Variants in SYTL3 observed in about 807,000 individuals in gnomAD.
SYTL3 encodes the protein synaptotagmin like 3.
In SYTL3, 88 loss-of-function variants were observed where a neutral mutation model predicts 82.1. The ratio of observed to expected loss-of-function variants is 1.07; its 90% CI spans 0.90 to 1.28. The LOEUF (loss-of-function observed/expected upper bound fraction) is 1.28, where lower values mean the gene tolerates loss of function less well. Ranked by LOEUF, SYTL3 falls within the 50% of genes most tolerant of loss-of-function variation. SYTL3 has a pLI of 0.00. For synonymous variants in SYTL3, 311 were observed against 289.4 expected, an observed-to-expected ratio of 1.07 and a Z score of -0.76; for missense variants, 831 against 757.6, an observed-to-expected ratio of 1.10 and a Z score of -1.14.
At chr6:158,702,681 C>T (rs1202633562) in intron 6 of SYTL3, among the ~76,000 whole-genome samples, 1 of 152,068 alleles carries the variant, frequency 6.6e-6, no homozygotes, top group Non-Finnish European at 1.5e-5. Flanking sequence ...CTGTACAGCC[C>T]TCGACTATCC....
chr6:158,751,922 C>T lies in SYTL3; in HGVS notation c.1035-6C>T. 3.1e-6 allele frequency: 5 copies of T among 1,595,708 alleles called. No homozygotes were observed. Among genetic ancestry groups the T allele is most frequent in the Non-Finnish European group, 4.3e-6 (5 of 1,171,494 alleles). On this transcript the variant is annotated splice_region_variant and splice_polypyrimidine_tract_variant and intron_variant, in intron 12 of 17. Coordinates refer to ENST00000611299, the MANE Select transcript of SYTL3 (RefSeq NM_001242394.2). ...TCACTCTGTCCCCGCTGTGTTTGGCCCCTAGGTATGTGAAGACCTACCTGT... is the reference window on the plus strand; with the variant it reads ...TCACTCTGTCCCCGCTGTGTTTGGCTCCTAGGTATGTGAAGACCTACCTGT...
chr6:158,666,419 C>T (rs1790059168), intron 5 of SYTL3, among the ~76,000 whole-genome samples: 1 of 152,096 alleles, frequency 6.6e-6, no homozygotes, highest in Non-Finnish European at 1.5e-5. Context: ...TTTGCGTTCC[C>T]CATTCTGAAA....
chr6:158,725,937 CAGAT>C (rs1466795142), intron 11 of SYTL3: 24 of 677,826 alleles, frequency 3.5e-5, no homozygotes, highest in South Asian at 2.1e-4. Context: ...CTCGCGTAAA[CAGAT>C]AGGGCAGGAG....
At chr6:158,757,188 C>A (rs1003752634) in intron 13 of SYTL3, 23 bp from the exon 14 acceptor site, 8 of 1,601,056 alleles carry the variant, frequency 5.0e-6, no homozygotes, top group Non-Finnish European at 6.8e-6. Flanking sequence ...GCCCAGCTGA[C>A]CATCTCTTCC....
intron 11 of SYTL3, among the ~76,000 whole-genome samples, chr6:158,733,699 C>T (rs1265130709): frequency 6.6e-6 from 1 of 152,126 alleles, no homozygotes; most frequent in African/African-American, 2.4e-5. Flanking sequence ...AGTCTGGCTC[C>T]AGCCAGTGGA....
At chr6:158,680,589 A>AAAAAC (rs1778567745) in intron 5 of SYTL3, among the ~76,000 whole-genome samples, 1 of 151,260 alleles carries the variant, frequency 6.6e-6, no homozygotes, top group South Asian at 2.1e-4. Context: ...AAAAAAAAAA[A>AAAAAC]AAAAACACAA....
In SYTL3 at chr6:158,715,903, G is replaced by A. The variant is rs1010226148; in HGVS notation, c.595+2025G>A. ...TCTTATTGGCTGCCTGTTTCCCCAC[G>A]GAAGTGGGTGCAGAGGGAAGCCTCA... On this transcript the variant is annotated intron_variant, in intron 9 of 17. Transcript: ENST00000611299. Among the ~76,000 whole-genome samples the A allele has an allele frequency of 6.6e-5, 10 of 152,226 alleles. 1 individual carries two copies. Among genetic ancestry groups the A allele is most frequent in the Admixed American group, 3.3e-4 (5 of 15,284 alleles).
At chr6:158,750,886 C>G (rs1788300576) in intron 12 of SYTL3, among the ~76,000 whole-genome samples, 1 of 152,150 alleles carries the variant, frequency 6.6e-6, no homozygotes, top group Non-Finnish European at 1.5e-5. Flanking sequence ...ACCTCCATCT[C>G]CCAGGTACAA....
At chr6:158,733,391 A>T (rs1785670932) in intron 11 of SYTL3, among the ~76,000 whole-genome samples, 2 of 151,944 alleles carry the variant, frequency 1.3e-5, no homozygotes, top group Admixed American at 6.6e-5. Context: ...CAGTGGCCCA[A>T]CCTCAGTTCA....
chr6:158,683,199 G>A (rs1035000325), intron 6 of SYTL3, among the ~76,000 whole-genome samples: 12 of 148,196 alleles, frequency 8.1e-5, no homozygotes, highest in Middle Eastern at 3.5e-3. Context: ...TTCTACCTCT[G>A]AGGTTGGCCC....
chr6:158,713,192 T>C (rs1252159091), intron 8 of SYTL3, among the ~76,000 whole-genome samples: 1 of 151,994 alleles, frequency 6.6e-6, no homozygotes, highest in Non-Finnish European at 1.5e-5. Context: ...AGATGGATGA[T>C]TGGATGGGTG....
chr6:158,714,829 A>G (rs1783173129), intron 9 of SYTL3, among the ~76,000 whole-genome samples: 1 of 152,144 alleles, frequency 6.6e-6, no homozygotes, highest in African/African-American at 2.4e-5. Flanking sequence ...CAGTCTCTTT[A>G]TGTGACTTTA....
chr6:158,747,907 A>G (rs75463489), intron 12 of SYTL3, among the ~76,000 whole-genome samples: 7,502 of 152,210 alleles, frequency 0.049, 215 homozygotes, highest in Non-Finnish European at 0.061. Context: ...TATTTTATCC[A>G]TCCTAGCTGT....
chr6:158,753,111 A>G (rs10085342), intron 13 of SYTL3, among the ~76,000 whole-genome samples: 5,342 of 117,990 alleles, frequency 0.045, 141 homozygotes, highest in Middle Eastern at 0.08. Flanking sequence ...ATGGAGTTTC[A>G]CTCTTGGTCG....
At chr6:158,708,442 G>T (rs765974545) in intron 8 of SYTL3, 51 bp downstream of exon 8, 25 of 1,555,062 alleles carry the variant, frequency 1.6e-5, no homozygotes, top group Non-Finnish European at 2.0e-5. Flanking sequence ...GGGATAGAAG[G>T]AGAGGAAGCA....
chr6:158,727,325 C>G (rs1784857264), intron 11 of SYTL3, among the ~76,000 whole-genome samples: 1 of 152,002 alleles, frequency 6.6e-6, no homozygotes, highest in South Asian at 2.1e-4. Flanking sequence ...GCGCCCACCA[C>G]CACGTCTGGC....
At chr6:158,748,220 A>T (rs1787918400) in intron 12 of SYTL3, among the ~76,000 whole-genome samples, 1 of 152,136 alleles carries the variant, frequency 6.6e-6, no homozygotes, top group Non-Finnish European at 1.5e-5. Context: ...ATTACCAGCT[A>T]AAGAGTGATG....
At chr6:158,751,064 G>A (rs555124868) in intron 12 of SYTL3, among the ~76,000 whole-genome samples, 10 of 152,208 alleles carry the variant, frequency 6.6e-5, no homozygotes, top group Admixed American at 5.2e-4. Flanking sequence ...CCAAAGTGCT[G>A]GGATTATAGT....
At chr6:158,700,111 C>T (rs551610125) in intron 6 of SYTL3, among the ~76,000 whole-genome samples, 2 of 151,964 alleles carry the variant, frequency 1.3e-5, no homozygotes, top group East Asian at 3.9e-4. Flanking sequence ...ACAAAAGTAG[C>T]CAGGCGTGGT....
Sources: gnomAD v4.1 joint callset for allele counts (sites outside exome capture counted in the v4.1 genomes callset) on GRCh38, gnomAD v4.1.1 for gene constraint, MANE v1.5 for transcripts, NCBI Gene and HGNC (gene_info 2026-07-23, HGNC 2026-07-21) for gene names.